FTO: variants seen among roughly 807,000 people sequenced by gnomAD.
FTO encodes the protein FTO alpha-ketoglutarate dependent dioxygenase.
FTO carries 47 observed loss-of-function variants against 63.9 expected under a neutral mutation model. The ratio of observed to expected loss-of-function variants is 0.74; its 90% CI spans 0.58 to 0.94. FTO has a LOEUF of 0.94. Among genes scored for constraint, FTO ranks in the 40% least tolerant of loss-of-function variants. The probability of loss-of-function intolerance (pLI) is 0.00; values close to 1 mark genes in which losing one functional copy is unlikely to be tolerated. For synonymous variants in FTO, 207 were observed against 224.4 expected, an observed-to-expected ratio of 0.92 and a Z score of 0.69; for missense variants, 562 against 618.1, an observed-to-expected ratio of 0.91 and a Z score of 0.96.
intron 8 of FTO, among the ~76,000 whole-genome samples, chr16:54,101,533 G>A (rs2086643405): frequency 6.6e-6 from 1 of 151,974 alleles, no homozygotes; most frequent in South Asian, 2.1e-4. Flanking sequence ...TGTATTCCAG[G>A]GTGTGTATAT....
At chr16:53,986,743 T>C (rs1358276050) in intron 8 of FTO, among the ~76,000 whole-genome samples, 1 of 152,214 alleles carries the variant, frequency 6.6e-6, no homozygotes, top group Non-Finnish European at 1.5e-5. Flanking sequence ...ACTCTATGGA[T>C]TTTCTTCCAT....
At position 53,966,977 on chromosome 16, in the gene FTO, G is replaced by A. The variant is rs560685396; in HGVS notation, c.1364+32868G>A. Among the ~76,000 whole-genome samples the A allele has an allele frequency of 2.6e-5, 4 of 152,234 alleles. No individual in the cohort carries two copies. In the East Asian group the frequency reaches 5.8e-4, roughly 22 times the overall value. On this transcript the variant is annotated intron_variant, in intron 8 of 8. Transcript: ENST00000471389. ...AGTGGGTGAGTCCTGCTTAACAATCGTTAATCTACTGAGTCTTCGTATCAG... is the reference window on the plus strand; with the variant it reads ...AGTGGGTGAGTCCTGCTTAACAATCATTAATCTACTGAGTCTTCGTATCAG...
chr16:53,735,839 A>C (rs1427573180), intron 1 of FTO, among the ~76,000 whole-genome samples: 1 of 152,184 alleles, frequency 6.6e-6, no homozygotes, highest in African/African-American at 2.4e-5. Flanking sequence ...CTCTTTGGAA[A>C]TCTTGGGGTC....
intron 8 of FTO, among the ~76,000 whole-genome samples, chr16:54,054,133 G>A (rs1199363772): frequency 1.3e-5 from 2 of 152,184 alleles, no homozygotes; most frequent in South Asian, 2.1e-4. Context: ...TTTTCTGCCT[G>A]GTTGCATCTT....
At chr16:53,782,629 A>G (rs2077617010) in intron 1 of FTO, among the ~76,000 whole-genome samples, 1 of 152,204 alleles carries the variant, frequency 6.6e-6, no homozygotes, top group Non-Finnish European at 1.5e-5. Context: ...AGATTGATTA[A>G]GTGGTTTGTC....
chr16:53,823,873 G>A (rs1199447839), intron 2 of FTO, among the ~76,000 whole-genome samples: 6 of 152,114 alleles, frequency 3.9e-5, no homozygotes, highest in East Asian at 3.9e-4. Context: ...CAACAAGAGC[G>A]AAACGCCATC....
Position 54,050,193 on chromosome 16 carries a change from A to G in FTO, c.1365-61569A>G, listed in dbSNP as rs1308129170. Among the ~76,000 whole-genome samples, 3 of 152,250 alleles carry G rather than the reference A, an allele frequency of 2.0e-5. No individual in the cohort carries two copies. The East Asian group carries it at 5.8e-4, about 29-fold the overall frequency. On this transcript the variant is annotated intron_variant, in intron 8 of 8. Transcript: ENST00000471389. The stretch of plus-strand genomic sequence containing the variant: ...AAGGAAAGTCAATTATTTGTCAATT[A>G]TGAGTCCCAGAAATCCTGATATGGG...
At chr16:54,060,448 A>G (rs757874079) in intron 8 of FTO, among the ~76,000 whole-genome samples, 9 of 152,226 alleles carry the variant, frequency 5.9e-5, no homozygotes, top group Non-Finnish European at 1.0e-4. Context: ...TAATCCTTGC[A>G]ACAAACCTAA....
intron 8 of FTO, among the ~76,000 whole-genome samples, chr16:54,083,349 C>T (rs1022065204): frequency 6.6e-6 from 1 of 152,010 alleles, no homozygotes; most frequent in South Asian, 2.1e-4. Context: ...ATTAATTAAC[C>T]GAAAGTTAAT....
intron 8 of FTO, among the ~76,000 whole-genome samples, chr16:53,966,740 A>G (rs1424591578): frequency 6.6e-6 from 1 of 152,244 alleles, no homozygotes; most frequent in Non-Finnish European, 1.5e-5. Flanking sequence ...AGTCATATAC[A>G]AGTGATGCAA....
chr16:53,713,781 A>G lies in FTO; in HGVS notation c.45+9552A>G, dbSNP rs549808929. ...CTCTTACCACATTTTTAAGTGTACAATAAAGTATTGTAAACTGTAGGTACA... is the reference window on the plus strand; with the variant it reads ...CTCTTACCACATTTTTAAGTGTACAGTAAAGTATTGTAAACTGTAGGTACA... On this transcript the variant is annotated intron_variant, in intron 1 of 8. Coordinates refer to ENST00000471389, the MANE Select transcript of FTO (RefSeq NM_001080432.3). Among the ~76,000 whole-genome samples the G allele has an allele frequency of 7.2e-5, 11 of 152,324 alleles. No individual in the cohort carries two copies. The East Asian group carries it at 1.9e-3, about 27-fold the overall frequency.
At chr16:53,903,128 A>AATAAAT (rs1406289666) in intron 7 of FTO, among the ~76,000 whole-genome samples, 1 of 152,096 alleles carries the variant, frequency 6.6e-6, no homozygotes, top group African/African-American at 2.4e-5. Flanking sequence ...TAAAAATAAA[A>AATAAAT]ACAAAGTTAT....
At chr16:53,841,638 T>C (rs185790867) in intron 3 of FTO, among the ~76,000 whole-genome samples, 1 of 152,294 alleles carries the variant, frequency 6.6e-6, no homozygotes, top group East Asian at 1.9e-4. Context: ...GAGTTTCTTT[T>C]TTTCCTTCCT....
At chr16:53,810,107 A>G (rs781390589) in intron 1 of FTO, 33 bp from the exon 2 acceptor site, 7 of 1,447,288 alleles carry the variant, frequency 4.8e-6, no homozygotes, top group Non-Finnish European at 6.8e-6. Flanking sequence ...GTTATTGCAT[A>G]TTCACTTATA....
At chr16:54,029,968 G>A (rs916683305) in intron 8 of FTO, among the ~76,000 whole-genome samples, 15 of 152,244 alleles carry the variant, frequency 9.9e-5, no homozygotes, top group African/African-American at 3.6e-4. Flanking sequence ...AGTAAGCTTC[G>A]TAAATCTATA....
intron 1 of FTO, among the ~76,000 whole-genome samples, chr16:53,809,103 T>G (rs1325222973): frequency 6.6e-6 from 1 of 152,232 alleles, no homozygotes; most frequent in Non-Finnish European, 1.5e-5. Context: ...TCTTATAAGA[T>G]ACTTTATAAT....
intron 7 of FTO, among the ~76,000 whole-genome samples, chr16:53,924,648 T>C (rs2143060173): frequency 6.6e-6 from 1 of 152,200 alleles, no homozygotes; most frequent in African/African-American, 2.4e-5. Context: ...CAGCCTTAAG[T>C]AGTCCAGTAG....
At chr16:53,908,242 T>A (rs954073594) in intron 7 of FTO, among the ~76,000 whole-genome samples, 1 of 152,208 alleles carries the variant, frequency 6.6e-6, no homozygotes, top group Non-Finnish European at 1.5e-5. Flanking sequence ...AGATTTTCGT[T>A]GTCAGGGGCA....
chr16:54,030,252 G>A (rs112518606), intron 8 of FTO, among the ~76,000 whole-genome samples: 6 of 152,266 alleles, frequency 3.9e-5, no homozygotes, highest in South Asian at 2.1e-4. Context: ...TGAAATTAAC[G>A]TAGATTAAGG....
Sources: gnomAD v4.1 joint callset for allele counts (sites outside exome capture counted in the v4.1 genomes callset) on GRCh38, gnomAD v4.1.1 for gene constraint, MANE v1.5 for transcripts, NCBI Gene and HGNC (gene_info 2026-07-23, HGNC 2026-07-21) for gene names.